DCC: variants seen among roughly 807,000 people sequenced by gnomAD.
DCC encodes netrin receptor DCC.
Under a neutral mutation model 172.5 loss-of-function variants are expected in DCC, and 58 were observed. The ratio of observed to expected loss-of-function variants is 0.34; its 90% CI spans 0.27 to 0.42. The LOEUF (loss-of-function observed/expected upper bound fraction) is 0.42. Ranked by LOEUF, DCC falls within the 10% of genes least tolerant of loss-of-function variation. DCC has a pLI of 1.00. For synonymous variants in DCC, 709 were observed against 644.5 expected (o/e 1.10, Z -1.52); for missense variants, 1,740 against 1,791.0 (o/e 0.97, Z 0.51).
intron 5 of DCC, among the ~76,000 whole-genome samples, chr18:53,024,743 A>G (rs909924003): frequency 6.6e-6 from 1 of 152,168 alleles, no homozygotes; most frequent in Admixed American, 6.6e-5. Flanking sequence ...GCCTTGTAAA[A>G]TAGGTAAGTA....
intron 5 of DCC, among the ~76,000 whole-genome samples, chr18:52,945,066 A>G (rs1456392042): frequency 6.6e-6 from 1 of 152,208 alleles, no homozygotes. Flanking sequence ...TCATGTTACC[A>G]TATTGTGACA....
At chr18:53,390,339 T>A (rs545461652) in intron 16 of DCC, among the ~76,000 whole-genome samples, 191 of 152,084 alleles carry the variant, frequency 1.3e-3, no homozygotes, top group Non-Finnish European at 2.4e-3. Context: ...ACTGAATAAT[T>A]CATTGGAAAA....
intron 9 of DCC, among the ~76,000 whole-genome samples, chr18:53,196,959 G>A (rs2055452734): frequency 6.6e-6 from 1 of 151,938 alleles, no homozygotes; most frequent in Admixed American, 6.6e-5. Flanking sequence ...GTTTCATTAT[G>A]TTAATAATTA....
intron 9 of DCC, among the ~76,000 whole-genome samples, chr18:53,194,708 G>A (rs2055418167): frequency 6.6e-6 from 1 of 152,148 alleles, no homozygotes; most frequent in Non-Finnish European, 1.5e-5. Context: ...GACCTCAGGT[G>A]ATCCACTCAC....
intron 9 of DCC, among the ~76,000 whole-genome samples, chr18:53,188,122 CT>C (rs1441754221): frequency 3.3e-5 from 5 of 152,054 alleles, no homozygotes; most frequent in Admixed American, 3.3e-4. Context: ...TCCCGGTGCC[CT>C]GAAACATAAT....
At chr18:53,198,214 G>T (rs1360703379) in intron 9 of DCC, among the ~76,000 whole-genome samples, 1 of 152,066 alleles carries the variant, frequency 6.6e-6, no homozygotes, top group Non-Finnish European at 1.5e-5. Flanking sequence ...AAATTTGGGG[G>T]ATAGAAATGG....
chr18:53,090,537 C>A (rs1193648068), intron 7 of DCC, among the ~76,000 whole-genome samples: 1 of 150,218 alleles, frequency 6.7e-6, no homozygotes, highest in African/African-American at 2.4e-5. Context: ...ACTAACGATA[C>A]AAAAAAATTA....
chr18:53,272,393 G>A (rs1324119319), intron 12 of DCC, among the ~76,000 whole-genome samples: 3 of 152,088 alleles, frequency 2.0e-5, no homozygotes, highest in Admixed American at 6.6e-5. Context: ...ATTCTCATTA[G>A]AGAATGATAC....
At chr18:53,027,819 G>A (rs2041976454) in intron 5 of DCC, among the ~76,000 whole-genome samples, 1 of 151,780 alleles carries the variant, frequency 6.6e-6, no homozygotes, top group South Asian at 2.1e-4. Flanking sequence ...CACGTCAAGA[G>A]CAGTTATTTT....
intron 2 of DCC, among the ~76,000 whole-genome samples, chr18:52,871,960 C>T (rs1396395543): frequency 1.3e-5 from 2 of 152,070 alleles, no homozygotes. Context: ...CCTGGGTTAC[C>T]TTAACTGTGG....
intron 5 of DCC, among the ~76,000 whole-genome samples, chr18:52,998,352 T>C (rs1184554847): frequency 6.6e-6 from 1 of 152,024 alleles, no homozygotes; most frequent in Non-Finnish European, 1.5e-5. Context: ...TGAACACAAC[T>C]GAACTAAGAA....
intron 5 of DCC, among the ~76,000 whole-genome samples, chr18:52,948,941 A>G (rs1400643301): frequency 6.6e-6 from 1 of 152,178 alleles, no homozygotes; most frequent in Non-Finnish European, 1.5e-5. Context: ...AGATCAGTGC[A>G]ACTCTAGATG....
At chr18:53,082,018 C>T (rs1409873935) in intron 7 of DCC, among the ~76,000 whole-genome samples, 1 of 152,070 alleles carries the variant, frequency 6.6e-6, no homozygotes, top group Non-Finnish European at 1.5e-5. Context: ...TGGTAATTTA[C>T]AATCTAAGAG....
intron 28 of DCC, among the ~76,000 whole-genome samples, chr18:53,527,404 T>TA (rs1161247968): frequency 2.6e-5 from 4 of 151,680 alleles, no homozygotes; most frequent in Non-Finnish European, 5.9e-5. Flanking sequence ...TCTCTAAAAT[T>TA]AAAAAAATAT....
chr18:52,679,920 T>G (rs17681980), intron 1 of DCC, among the ~76,000 whole-genome samples: 55,957 of 151,906 alleles, frequency 0.37, 11,532 homozygotes, highest in Non-Finnish European at 0.47. Flanking sequence ...TCATATATTT[T>G]GTATAAACAA....
chr18:52,721,260 T>A (rs2145076043), intron 1 of DCC, among the ~76,000 whole-genome samples: 1 of 152,340 alleles, frequency 6.6e-6, no homozygotes, highest in Middle Eastern at 3.4e-3. Context: ...TAGTTACAAC[T>A]CTATACTTGC....
At chr18:53,306,776 G>T (rs1674971192) in intron 13 of DCC, among the ~76,000 whole-genome samples, 1 of 151,584 alleles carries the variant, frequency 6.6e-6, no homozygotes, top group Non-Finnish European at 1.5e-5. Context: ...TCAAACCTAG[G>T]AATATCTTGA....
At chr18:53,211,305 A>C (rs1379691230) in intron 11 of DCC, among the ~76,000 whole-genome samples, 1 of 152,252 alleles carries the variant, frequency 6.6e-6, no homozygotes, top group Non-Finnish European at 1.5e-5. Context: ...GAAAGAGTTC[A>C]CAACAGGTAG....
intron 12 of DCC, among the ~76,000 whole-genome samples, chr18:53,260,925 G>T (rs991327716): frequency 9.9e-5 from 15 of 152,062 alleles, no homozygotes; most frequent in African/African-American, 3.6e-4. Context: ...CCCCAGCCTC[G>T]CTGCCACCTT....
Sources: allele counts gnomAD v4.1 joint callset (sites outside exome capture counted in the v4.1 genomes callset), GRCh38; gene constraint gnomAD v4.1.1; transcripts MANE v1.5; gene names NCBI Gene and HGNC (gene_info 2026-07-23, HGNC 2026-07-21).